Variants in FRMPD4 observed in about 807,000 individuals in gnomAD.
The protein encoded by FRMPD4 is FERM and PDZ domain-containing protein 4.
Under a neutral mutation model 94.1 loss-of-function variants are expected in FRMPD4, and 22 were observed. That is an observed-to-expected ratio of 0.23 (90% CI 0.17 to 0.33). The LOEUF (loss-of-function observed/expected upper bound fraction) is 0.33, where lower values mean the gene tolerates loss of function less well. Ranked by LOEUF, FRMPD4 falls within the 10% of genes least tolerant of loss-of-function variation. The pLI, the probability that FRMPD4 is intolerant of heterozygous loss-of-function variation, is 1.00. For missense variants in FRMPD4, 1,111 were observed against 1,339.9 expected (o/e 0.83, Z 2.67); for synonymous variants, 631 against 548.6 (o/e 1.15, Z -2.10).
intron 9 of FRMPD4, among the ~76,000 whole-genome samples, chrX:12,696,484 C>T (rs2060130597): frequency 9.3e-6 from 1 of 107,515 alleles, no homozygotes; most frequent in East Asian, 2.9e-4. Context: ...CCTTAGACAG[C>T]TTAGACATCT....
At chrX:12,235,213 T>C (rs1322304899) in intron 1 of FRMPD4, among the ~76,000 whole-genome samples, 2 of 111,942 alleles carry the variant, frequency 1.8e-5, no homozygotes, top group Non-Finnish European at 3.8e-5. Context: ...CATTGAAAGC[T>C]GCGCGTCCCT....
intron 14 of FRMPD4, 71 bp from the exon 15 acceptor site, chrX:12,715,998 G>GGGGGGGCC: frequency 2.6e-6 from 1 of 383,858 alleles, no homozygotes. Flanking sequence ...ACAGAGACGA[G>GGGGGGGCC]CCTCCCACCC....
At chrX:12,282,739 A>G (rs992645010) in intron 1 of FRMPD4, among the ~76,000 whole-genome samples, 3 of 111,996 alleles carry the variant, frequency 2.7e-5, no homozygotes, top group Non-Finnish European at 5.6e-5. Flanking sequence ...GGGTGCGCTC[A>G]TGTTGGAGCT....
At chrX:12,013,171 T>C (rs2054589104) in intron 3 of FRMPD4, among the ~76,000 whole-genome samples, 1 of 111,947 alleles carries the variant, frequency 8.9e-6, no homozygotes, top group African/African-American at 3.3e-5. Flanking sequence ...AAATTAACTC[T>C]CTACTTCTTT....
At chrX:12,370,706 A>G (rs1345649407) in intron 1 of FRMPD4, among the ~76,000 whole-genome samples, 2 of 112,381 alleles carry the variant, frequency 1.8e-5, no homozygotes, top group Non-Finnish European at 3.8e-5. Flanking sequence ...ATTCTGGTGA[A>G]CCCTGGCCTG....
intron 4 of FRMPD4, among the ~76,000 whole-genome samples, chrX:12,637,301 C>G (rs771888736): frequency 8.9e-6 from 1 of 112,285 alleles, no homozygotes; most frequent in African/African-American, 3.2e-5. Context: ...CCACAAATAA[C>G]ATTTAAAGAT....
At chrX:12,475,237 A>C (rs1392927775) in intron 1 of FRMPD4, among the ~76,000 whole-genome samples, 1 of 112,256 alleles carries the variant, frequency 8.9e-6, no homozygotes, top group Non-Finnish European at 1.9e-5. Flanking sequence ...ATAGATGCAG[A>C]AAAGGCCTTC....
At chrX:12,359,242 T>C (rs1210854113) in intron 1 of FRMPD4, among the ~76,000 whole-genome samples, 3 of 111,949 alleles carry the variant, frequency 2.7e-5, no homozygotes, top group Admixed American at 1.9e-4. Context: ...TTTTCCCTTA[T>C]GGATATTTAG....
chrX:12,022,144 T>C (rs2054635218), intron 3 of FRMPD4, among the ~76,000 whole-genome samples: 1 of 112,624 alleles, frequency 8.9e-6, no homozygotes, highest in Non-Finnish European at 1.9e-5. Context: ...TGATGCCTAA[T>C]CAATAGTTGG....
At chrX:12,083,122 C>A (rs746277178) in intron 3 of FRMPD4, among the ~76,000 whole-genome samples, 1 of 112,637 alleles carries the variant, frequency 8.9e-6, no homozygotes, top group Non-Finnish European at 1.9e-5. Flanking sequence ...TGTGAGAGAC[C>A]TTCATGGCAT....
At chrX:12,338,862 C>T (rs1215904430) in intron 1 of FRMPD4, among the ~76,000 whole-genome samples, 1 of 112,701 alleles carries the variant, frequency 8.9e-6, no homozygotes, top group Non-Finnish European at 1.9e-5. Flanking sequence ...CAGTCCACTT[C>T]ACTCCAGAGC....
chrX:12,707,744 T>C, intron 13 of FRMPD4, 93 bp downstream of exon 13: 1 of 691,497 alleles, frequency 1.4e-6, no homozygotes, highest in Non-Finnish European at 2.2e-6. Flanking sequence ...AAAGTCAATG[T>C]GTGCAGAGCA....
chrX:11,845,491 T>G (rs2053569567), intron 1 of FRMPD4, among the ~76,000 whole-genome samples: 1 of 109,360 alleles, frequency 9.1e-6, no homozygotes, highest in African/African-American at 3.3e-5. Flanking sequence ...ACTATTCCAA[T>G]CAATAGAAAA....
chrX:12,326,725 G>C (rs1197677754), intron 1 of FRMPD4, among the ~76,000 whole-genome samples: 4 of 111,367 alleles, frequency 3.6e-5, no homozygotes, highest in Non-Finnish European at 7.5e-5. Context: ...TAATCTCAGT[G>C]CTTTGGGAGG....
intron 1 of FRMPD4, among the ~76,000 whole-genome samples, chrX:12,239,248 T>C (rs2057103588): frequency 8.9e-6 from 1 of 111,967 alleles, no homozygotes; most frequent in African/African-American, 3.2e-5. Flanking sequence ...TTAAAAGGGT[T>C]GGGGGAAAAC....
intron 1 of FRMPD4, among the ~76,000 whole-genome samples, chrX:12,459,921 TGA>T (rs2057374711): frequency 8.9e-6 from 1 of 111,914 alleles, no homozygotes; most frequent in Admixed American, 9.5e-5. Flanking sequence ...TAACAATATA[TGA>T]GAGTCCAGTT....
chrX:12,542,686 C>T (rs1191127634), intron 2 of FRMPD4, among the ~76,000 whole-genome samples: 1 of 111,662 alleles, frequency 9.0e-6, no homozygotes, highest in Non-Finnish European at 1.9e-5. Context: ...AGACTCAATG[C>T]CATCCCCATC....
At chrX:11,833,283 A>C (rs2053484597) in intron 1 of FRMPD4, among the ~76,000 whole-genome samples, 1 of 112,416 alleles carries the variant, frequency 8.9e-6, no homozygotes, top group Non-Finnish European at 1.9e-5. Flanking sequence ...ATTATGAATA[A>C]AGCTGCTATA....
At chrX:11,839,744 TTTTC>T (rs1010597943) in intron 1 of FRMPD4, among the ~76,000 whole-genome samples, 1 of 111,441 alleles carries the variant, frequency 9.0e-6, no homozygotes, top group African/African-American at 3.2e-5. Context: ...GCTAAGTTCC[TTTTC>T]TTTCTTTCTT....
Sources: gnomAD v4.1 joint callset for allele counts (sites outside exome capture counted in the v4.1 genomes callset) on GRCh38, gnomAD v4.1.1 for gene constraint, MANE v1.5 for transcripts, NCBI Gene and HGNC (gene_info 2026-07-23, HGNC 2026-07-21) for gene names.